DLGAP1: variants seen among roughly 807,000 people sequenced by gnomAD.
The protein encoded by DLGAP1 is DLG associated protein 1, also known as disks large-associated protein 1.
A neutral mutation model predicts 90.8 loss-of-function variants in DLGAP1; 11 were observed. That is an observed-to-expected ratio of 0.12 (90% confidence interval 0.08 to 0.20). The LOEUF (loss-of-function observed/expected upper bound fraction) is 0.20. Ranked by LOEUF, DLGAP1 falls within the 10% of genes least tolerant of loss-of-function variation. The pLI is 1.00. For synonymous variants in DLGAP1, 558 were observed against 540.7 expected (o/e 1.03, Z -0.44); for missense variants, 1,050 against 1,333.8 (o/e 0.79, Z 3.31).
At chr18:4,255,503 A>G (rs1445494744) in intron 1 of DLGAP1, among the ~76,000 whole-genome samples, 1 of 120,192 alleles carries the variant, frequency 8.3e-6, no homozygotes, top group Non-Finnish European at 1.6e-5. Context: ...ATACAGATGA[A>G]AAAAAAAATA....
chr18:4,231,668 C>T (rs1014543977), intron 1 of DLGAP1, among the ~76,000 whole-genome samples: 1 of 152,050 alleles, frequency 6.6e-6, no homozygotes, highest in Non-Finnish European at 1.5e-5. Context: ...TGGATCCTCC[C>T]ATATCCTCTA....
chr18:3,872,356 T>C (rs2070805374), intron 4 of DLGAP1, among the ~76,000 whole-genome samples: 2 of 152,156 alleles, frequency 1.3e-5, no homozygotes, highest in Non-Finnish European at 2.9e-5. Context: ...TGATTCTTTA[T>C]ATCATTACCT....
intron 3 of DLGAP1, among the ~76,000 whole-genome samples, chr18:3,902,639 G>A (rs142986128): frequency 9.9e-5 from 15 of 152,166 alleles, no homozygotes; most frequent in South Asian, 2.1e-4. Context: ...GGCCCCCACC[G>A]TGCATTAGCA....
chr18:4,171,752 G>A (rs1182372928), intron 1 of DLGAP1, among the ~76,000 whole-genome samples: 1 of 152,200 alleles, frequency 6.6e-6, no homozygotes, highest in East Asian at 1.9e-4. Context: ...ATATCGAAGA[G>A]CACAAATGTC....
intron 3 of DLGAP1, among the ~76,000 whole-genome samples, chr18:3,885,632 G>A (rs1028348973): frequency 1.1e-4 from 16 of 152,344 alleles, no homozygotes; most frequent in African/African-American, 3.8e-4. Flanking sequence ...TGGTCAGCAT[G>A]TCTTCATGAG....
At chr18:3,824,985 T>C (rs918655859) in intron 4 of DLGAP1, among the ~76,000 whole-genome samples, 2 of 152,220 alleles carry the variant, frequency 1.3e-5, no homozygotes, top group Admixed American at 1.3e-4. Context: ...ATAATCATCA[T>C]ACAGGGAAGT....
At chr18:4,207,538 A>T (rs1230944971) in intron 1 of DLGAP1, among the ~76,000 whole-genome samples, 1 of 152,244 alleles carries the variant, frequency 6.6e-6, no homozygotes, top group African/African-American at 2.4e-5. Flanking sequence ...GCTTCAACGG[A>T]ATTTACCATC....
chr18:3,792,949 C>G (rs980168669), intron 5 of DLGAP1, among the ~76,000 whole-genome samples: 2 of 152,188 alleles, frequency 1.3e-5, no homozygotes, highest in Admixed American at 1.3e-4. Context: ...GTGTCTCGAC[C>G]TCCCTCAGGG....
At chr18:4,070,223 TCTGCCCACCTCAGC>T (rs2075427217) in intron 2 of DLGAP1, among the ~76,000 whole-genome samples, 1 of 152,190 alleles carries the variant, frequency 6.6e-6, no homozygotes, top group Admixed American at 6.5e-5. Context: ...CCTCAGGTCA[TCTGCCCACCTCAGC>T]CTCCCAAAGT....
At chr18:3,601,506 C>T (rs2057022407) in intron 7 of DLGAP1, among the ~76,000 whole-genome samples, 1 of 151,852 alleles carries the variant, frequency 6.6e-6, no homozygotes, top group African/African-American at 2.4e-5. Flanking sequence ...CCTCCTTTCC[C>T]ATCTGCTACC....
At chr18:3,725,227 A>G (rs1445055885) in intron 7 of DLGAP1, among the ~76,000 whole-genome samples, 3 of 152,174 alleles carry the variant, frequency 2.0e-5, no homozygotes, top group Admixed American at 2.0e-4. Flanking sequence ...ACATATGATT[A>G]TTAGACAATG....
At chr18:4,268,189 T>A (rs924933143) in intron 1 of DLGAP1, among the ~76,000 whole-genome samples, 5 of 152,196 alleles carry the variant, frequency 3.3e-5, no homozygotes, top group Admixed American at 3.3e-4. Flanking sequence ...AAAATTTAAC[T>A]TCATTAGAGA....
At chr18:3,509,452 T>C (rs1196585479) in intron 10 of DLGAP1, among the ~76,000 whole-genome samples, 1 of 152,224 alleles carries the variant, frequency 6.6e-6, no homozygotes, top group Non-Finnish European at 1.5e-5. Flanking sequence ...CGAGCGGAGC[T>C]GCTTTCCGCT....
At chr18:4,093,340 A>G (rs931416755) in intron 2 of DLGAP1, among the ~76,000 whole-genome samples, 1 of 152,224 alleles carries the variant, frequency 6.6e-6, no homozygotes, top group Non-Finnish European at 1.5e-5. Context: ...GAAGAAGGAA[A>G]TAGGAATTTC....
chr18:4,019,436 G>T (rs1250619225), intron 2 of DLGAP1, among the ~76,000 whole-genome samples: 1 of 151,856 alleles, frequency 6.6e-6, no homozygotes, highest in Non-Finnish European at 1.5e-5. Flanking sequence ...ATACTTACAA[G>T]ATATAATTTT....
At chr18:3,685,543 G>C (rs1267141844) in intron 7 of DLGAP1, among the ~76,000 whole-genome samples, 3 of 126,714 alleles carry the variant, frequency 2.4e-5, no homozygotes, top group Non-Finnish European at 3.1e-5. Context: ...CAGCCTGGGC[G>C]ACAGAGCGAG....
chr18:4,341,749 T>C (rs1473787621), intron 1 of DLGAP1, among the ~76,000 whole-genome samples: 1 of 152,176 alleles, frequency 6.6e-6, no homozygotes, highest in East Asian at 1.9e-4. Context: ...TACTGGATAC[T>C]GCATATTTTT....
At chr18:4,142,469 C>T (rs2076510823) in intron 2 of DLGAP1, among the ~76,000 whole-genome samples, 1 of 152,128 alleles carries the variant, frequency 6.6e-6, no homozygotes, top group Non-Finnish European at 1.5e-5. Context: ...AGATTCTCAT[C>T]TTGATAGTGA....
chr18:3,851,275 T>G (rs2069325797), intron 4 of DLGAP1, among the ~76,000 whole-genome samples: 1 of 152,064 alleles, frequency 6.6e-6, no homozygotes, highest in Non-Finnish European at 1.5e-5. Context: ...GCAAATCTCA[T>G]TAGGGCCAGG....
Sources: gnomAD v4.1 joint callset for allele counts (sites outside exome capture counted in the v4.1 genomes callset) on GRCh38, gnomAD v4.1.1 for gene constraint, MANE v1.5 for transcripts, NCBI Gene and HGNC (gene_info 2026-07-23, HGNC 2026-07-21) for gene names.